Variants in WDR49 observed in about 807,000 individuals in gnomAD.
WDR49 encodes WD repeat domain 49.
WDR49 carries 107 observed loss-of-function variants against 119.5 expected under a neutral mutation model. The observed-to-expected ratio is 0.90, with a 90% CI of 0.77 to 1.05. The LOEUF is 1.05. Ranked by LOEUF, WDR49 falls within the 50% of genes least tolerant of loss-of-function variation. The pLI, the probability that WDR49 is intolerant of heterozygous loss-of-function variation, is 0.00. For synonymous variants in WDR49, 425 were observed against 418.8 expected, an observed-to-expected ratio of 1.01 and a Z score of -0.18; for missense variants, 1,240 against 1,220.5, an observed-to-expected ratio of 1.02 and a Z score of -0.24.
intron 18 of WDR49, among the ~76,000 whole-genome samples, chr3:167,496,668 A>T (rs1751365604): frequency 6.6e-6 from 1 of 152,192 alleles, no homozygotes; most frequent in Non-Finnish European, 1.5e-5. Context: ...TCTGAAGGCT[A>T]GGTATCTACA....
At chr3:167,596,099 G>C (rs1457153010) in intron 7 of WDR49, among the ~76,000 whole-genome samples, 3 of 148,172 alleles carry the variant, frequency 2.0e-5, no homozygotes, top group Non-Finnish European at 3.0e-5. Flanking sequence ...CATTTATGCA[G>C]CCAAAAAACA....
chr3:167,598,220 G>T (rs1047801925), intron 7 of WDR49, among the ~76,000 whole-genome samples: 2 of 151,784 alleles, frequency 1.3e-5, no homozygotes, highest in African/African-American at 2.4e-5. Flanking sequence ...TAGGAGAATT[G>T]CTCGAACCTA....
intron 2 of WDR49, among the ~76,000 whole-genome samples, chr3:167,648,195 T>C (rs1488419999): frequency 6.6e-6 from 1 of 152,166 alleles, no homozygotes. Flanking sequence ...GCCGTGCCTA[T>C]GTTTCAGGCT....
chr3:167,502,893 A>G (rs2108211503), intron 17 of WDR49, among the ~76,000 whole-genome samples: 1 of 152,350 alleles, frequency 6.6e-6, no homozygotes, highest in Non-Finnish European at 1.5e-5. Flanking sequence ...ATTTAAAAAA[A>G]GCATTATCAA....
chr3:167,481,056 A>G (rs1414165019), intron 18 of WDR49, among the ~76,000 whole-genome samples: 1 of 125,816 alleles, frequency 7.9e-6, no homozygotes, highest in Non-Finnish European at 1.6e-5. Flanking sequence ...GATTTACCAC[A>G]TATTTCAAGC....
chr3:167,621,860 T>C (rs764040033), intron 3 of WDR49, among the ~76,000 whole-genome samples: 1 of 152,144 alleles, frequency 6.6e-6, no homozygotes, highest in Non-Finnish European at 1.5e-5. Flanking sequence ...CATTTGAACA[T>C]GCTTTATTTC....
chr3:167,577,077 A>T (rs1343958589), intron 7 of WDR49, among the ~76,000 whole-genome samples: 1 of 152,218 alleles, frequency 6.6e-6, no homozygotes, highest in Non-Finnish European at 1.5e-5. Context: ...CACATAAATG[A>T]CATGCATTTA....
intron 16 of WDR49, among the ~76,000 whole-genome samples, chr3:167,506,969 T>C (rs1359445030): frequency 6.6e-6 from 1 of 152,190 alleles, no homozygotes; most frequent in African/African-American, 2.4e-5. Context: ...ACTGCTGCTC[T>C]TATTGCATCA....
intron 7 of WDR49, among the ~76,000 whole-genome samples, chr3:167,594,934 C>G (rs1177580800): frequency 4.6e-5 from 7 of 150,722 alleles, no homozygotes; most frequent in Admixed American, 6.6e-5. Context: ...AATTGTCCCT[C>G]TTTGCAGACG....
At chr3:167,595,341 C>G (rs1715361161) in intron 7 of WDR49, among the ~76,000 whole-genome samples, 1 of 152,114 alleles carries the variant, frequency 6.6e-6, no homozygotes, top group Admixed American at 6.5e-5. Flanking sequence ...CTACCAATGA[C>G]TTTCCTCACA....
chr3:167,606,685 G>A (rs997638995), intron 5 of WDR49, among the ~76,000 whole-genome samples: 1 of 152,140 alleles, frequency 6.6e-6, no homozygotes, highest in African/African-American at 2.4e-5. Context: ...AATTCACTGG[G>A]AAGTGTGTCA....
At chr3:167,613,671 G>A (rs1716454124) in intron 5 of WDR49, among the ~76,000 whole-genome samples, 1 of 152,142 alleles carries the variant, frequency 6.6e-6, no homozygotes, top group African/African-American at 2.4e-5. Flanking sequence ...GCAGCTGGTT[G>A]TGGTGGCTCA....
Position 167,505,396 on chromosome 3 carries a change from A to G in WDR49, c.2795T>C (p.Ile932Thr), listed in dbSNP as rs143304878. 4.2e-4 allele frequency: 643 copies of G among 1,522,016 alleles called. No homozygotes were observed. Among genetic ancestry groups the G allele is most frequent in the Non-Finnish European group, 5.0e-4 (570 of 1,144,016 alleles). The allele number at this position is 1,522,016 out of a possible 1,614,324, so 94.3% of individuals were successfully genotyped here. A position where few individuals can be genotyped will look rare whatever the true frequency, so the allele number is the denominator to read the frequency against. ...STYNVRPSED[I>T]NLDIKYKERS... ...TTCCTTATATTTTATATCTAAATTTATATCTTCTGATGGTCTGACACTGGA... is the reference window on the plus strand; with the variant it reads ...TTCCTTATATTTTATATCTAAATTTGTATCTTCTGATGGTCTGACACTGGA... The change falls in exon 17 of 19, where the codon ATA becomes ACA. Residue 932 changes from isoleucine (I) to threonine (T), a missense_variant. By Grantham distance (89) the Ile-to-Thr change is moderately conservative. Transcript: ENST00000682715.
intron 2 of WDR49, among the ~76,000 whole-genome samples, chr3:167,652,410 AC>A (rs1021719437): frequency 2.0e-5 from 3 of 152,140 alleles, no homozygotes; most frequent in Non-Finnish European, 4.4e-5. Flanking sequence ...TAGTATGGAT[AC>A]TCCAAGCACC....
At chr3:167,572,665 A>T (rs950561825) in intron 8 of WDR49, among the ~76,000 whole-genome samples, 1 of 152,234 alleles carries the variant, frequency 6.6e-6, no homozygotes, top group Non-Finnish European at 1.5e-5. Flanking sequence ...ATGGAACAAA[A>T]GGATCTTCCC....
chr3:167,550,509 T>G (rs1712491886), intron 10 of WDR49, among the ~76,000 whole-genome samples: 1 of 152,066 alleles, frequency 6.6e-6, no homozygotes, highest in Non-Finnish European at 1.5e-5. Flanking sequence ...TGTGCATGTC[T>G]AGACTTTTAA....
chr3:167,653,642 T>C, intron 1 of WDR49, 143 bp from the exon 2 acceptor site: 1 of 473,134 alleles, frequency 2.1e-6, no homozygotes, highest in African/African-American at 2.0e-5. Flanking sequence ...TTCTAGAGTT[T>C]ATTTTCAAAA....
intron 18 of WDR49, among the ~76,000 whole-genome samples, chr3:167,479,549 T>A (rs974828617): frequency 3.3e-5 from 5 of 152,218 alleles, no homozygotes; most frequent in African/African-American, 7.2e-5. Context: ...GCATTTTGCA[T>A]AATTTTATTA....
intron 5 of WDR49, among the ~76,000 whole-genome samples, chr3:167,604,720 G>A (rs138193101): frequency 1.3e-5 from 2 of 152,086 alleles, no homozygotes; most frequent in East Asian, 1.9e-4. Context: ...ATTTTGAAAG[G>A]TAATTAGGTC....
Sources: gnomAD v4.1 joint callset for allele counts (sites outside exome capture counted in the v4.1 genomes callset) on GRCh38, gnomAD v4.1.1 for gene constraint, MANE v1.5 for transcripts, NCBI Gene and HGNC (gene_info 2026-07-23, HGNC 2026-07-21) for gene names.